The following MYOF variants were observed in gnomAD, a reference collection of about 807,000 sequenced individuals.
MYOF encodes myoferlin, also known as fer-1-like 3, myoferlin.
Under a neutral mutation model 284.2 loss-of-function variants are expected in MYOF, and 244 were observed. The ratio of observed to expected loss-of-function variants is 0.86; its 90% CI spans 0.77 to 0.95. The LOEUF is 0.95. MYOF is among the 40% of genes least tolerant of loss of function. The pLI is 0.00. For synonymous variants in MYOF, 904 were observed against 919.7 expected, an observed-to-expected ratio of 0.98 and a Z score of 0.31; for missense variants, 2,496 against 2,560.6, an observed-to-expected ratio of 0.97 and a Z score of 0.54.
chr10:93,482,099 T>A lies in MYOF; in HGVS notation c.88+8A>T, dbSNP rs771598862. On this transcript the variant is annotated splice_region_variant and intron_variant, in intron 1 of 53. Coordinates refer to ENST00000359263, the MANE Select transcript of MYOF (RefSeq NM_013451.4). ...GGACTTCAGAAAAAGAAGAAAACTTTTTCTTACCCTTAAAAATGACAGAAA... is the reference window on the plus strand; with the variant it reads ...GGACTTCAGAAAAAGAAGAAAACTTATTCTTACCCTTAAAAATGACAGAAA... The A allele has an allele frequency of 2.5e-6, 4 of 1,612,316 alleles. No individual in the cohort carries two copies. The highest frequency in any genetic ancestry group is 1.7e-6 in the Non-Finnish European group (2 of 1,178,578).
intron 23 of MYOF, among the ~76,000 whole-genome samples, 194 bp downstream of exon 23, chr10:93,374,568 TC>T (rs1845748375): frequency 6.6e-6 from 1 of 152,188 alleles, no homozygotes. Flanking sequence ...TCAAAATTCT[TC>T]CCCTGCTCTG....
At chr10:93,394,443 C>CTTTTTT (rs1193314228) in intron 16 of MYOF, among the ~76,000 whole-genome samples, 5 of 58,860 alleles carry the variant, frequency 8.5e-5, no homozygotes, top group Non-Finnish European at 1.5e-4. Context: ...TGGTCACCAT[C>CTTTTTT]TTGTCTTTTT....
chr10:93,322,144 C>CTAAATGATACTAAT lies in MYOF; in HGVS notation c.5456+920_5456+933dup, dbSNP rs1411863363. Among the ~76,000 whole-genome samples the CTAAATGATACTAAT allele has an allele frequency of 6.6e-5, 10 of 152,166 alleles. No homozygotes were observed. In the East Asian group the frequency reaches 1.9e-3, roughly 29 times the overall value. On this transcript the variant is annotated intron_variant, in intron 48 of 53. Coordinates refer to ENST00000359263, the MANE Select transcript of MYOF (RefSeq NM_013451.4). The stretch of plus-strand genomic sequence containing the variant: ...GAAACATTCCCTGTTTATAGTGAAC[C>CTAAATGATACTAAT]TAAATGATACTAATTATATCTTTAA...
intron 5 of MYOF, among the ~76,000 whole-genome samples, chr10:93,421,862 A>C (rs918921784): frequency 1.3e-5 from 2 of 152,106 alleles, no homozygotes; most frequent in Admixed American, 6.6e-5. Flanking sequence ...ATGCAAACAG[A>C]CTAAGACACT....
intron 24 of MYOF, among the ~76,000 whole-genome samples, chr10:93,371,212 C>T (rs1049412909): frequency 7.2e-5 from 11 of 152,142 alleles, no homozygotes; most frequent in African/African-American, 1.9e-4. Flanking sequence ...AGGATTTTAA[C>T]GTAGCTGAGT....
chr10:93,401,972 T>G (rs77106444), intron 11 of MYOF, among the ~76,000 whole-genome samples: 6,560 of 152,284 alleles, frequency 0.043, 197 homozygotes, highest in Middle Eastern at 0.078. Flanking sequence ...AAGCAGTCTT[T>G]CTAATGAGGC....
Position 93,377,405 on chromosome 10 carries a change from A to G in MYOF, c.2026T>C (p.Ser676Pro). The change falls in exon 22 of 54, where the codon TCA (serine) becomes CCA (proline). Residue 676 changes from serine to proline, a missense_variant. This residue lies in a region of MYOF where 2,436 missense variants were observed against 2,480.7 expected (regional missense o/e 0.98). Coordinates refer to ENST00000359263, the MANE Select transcript of MYOF (RefSeq NM_013451.4). ...GCAGGAATTTTACCTTGTATCCCTG[A>G]TTTTAGAGCTTCTATATTTGTTTGC... Reference protein sequence around the residue: ...RLQTNIEALKSGIQGKIPANQ... With the variant: ...RLQTNIEALKPGIQGKIPANQ... 1.2e-6 allele frequency: 2 copies of G among 1,613,824 alleles called. No individual in the cohort carries two copies. Among genetic ancestry groups the G allele is most frequent in the Non-Finnish European group, 1.7e-6 (2 of 1,179,780 alleles).
intron 31 of MYOF, among the ~76,000 whole-genome samples, chr10:93,354,437 T>C (rs1000274204): frequency 6.6e-6 from 1 of 152,110 alleles, no homozygotes; most frequent in African/African-American, 2.4e-5. Context: ...AGTGTATCAA[T>C]CAGGAAAACA....
intron 1 of MYOF, among the ~76,000 whole-genome samples, chr10:93,465,538 C>CTTTTCTT (rs1316526970): frequency 3.7e-4 from 42 of 112,148 alleles, no homozygotes; most frequent in South Asian, 9.3e-4. Context: ...TTTTTCTTTT[C>CTTTTCTT]TTTTTTTTTT....
chr10:93,462,179 C>T (rs1373481001), intron 1 of MYOF, among the ~76,000 whole-genome samples: 2 of 151,574 alleles, frequency 1.3e-5, no homozygotes, highest in Admixed American at 6.6e-5. Flanking sequence ...CAATCTCTCT[C>T]CTGCCTCAGC....
rs764699886 is a variant in MYOF at position 93,355,737 on chromosome 10, CT to C, written c.3295-2del. 6.2e-7 allele frequency: 1 copy of C among 1,610,986 alleles called. No homozygotes were observed. Among genetic ancestry groups the C allele is most frequent in the East Asian group, 2.2e-5 (1 of 44,876 alleles). On this transcript the variant is annotated splice_acceptor_variant, in intron 30 of 53. Transcript: ENST00000359263. LOFTEE classifies it high-confidence loss of function. The stretch of plus-strand genomic sequence containing the variant: ...CCCCATCTTCGGTAGTGTCTGCCCC[CT>C]GAAGTCAATTAACAGAGTCAATTAG...
At chr10:93,442,041 C>CACACACACACACACACACACAGAGAG (rs57700900) in intron 3 of MYOF, among the ~76,000 whole-genome samples, 4 of 142,738 alleles carry the variant, frequency 2.8e-5, no homozygotes, top group South Asian at 2.3e-4. Flanking sequence ...CACACACACA[C>CACACACACACACACACACACAGAGAG]AGAATAAACC....
intron 38 of MYOF, chr10:93,341,899 C>T (rs987087356): frequency 7.8e-7 from 1 of 1,288,842 alleles, no homozygotes; most frequent in Non-Finnish European, 1.0e-6. Context: ...CATGCATTTG[C>T]TTATCATACA....
At chr10:93,387,752 G>C in intron 19 of MYOF, 45 bp downstream of exon 19, 1 of 1,527,812 alleles carries the variant, frequency 6.5e-7, no homozygotes, top group South Asian at 1.1e-5. Flanking sequence ...AGTCCCTGGA[G>C]GTCTCCTTTT....
chr10:93,369,110 CTTTT>C (rs66923086), intron 25 of MYOF, among the ~76,000 whole-genome samples: 17 of 78,296 alleles, frequency 2.2e-4, no homozygotes, highest in Admixed American at 3.3e-4. Flanking sequence ...ATTCAGACAG[CTTTT>C]TTTTTTTTTT....
intron 16 of MYOF, 24 bp from the exon 17 acceptor site, chr10:93,392,979 T>C: frequency 6.3e-7 from 1 of 1,595,606 alleles, no homozygotes; most frequent in African/African-American, 1.3e-5. Context: ...ATATGACTGG[T>C]TAAACAAGAA....
At chr10:93,368,962 T>C (rs1054577826) in intron 25 of MYOF, among the ~76,000 whole-genome samples, 1 of 152,146 alleles carries the variant, frequency 6.6e-6, no homozygotes, top group African/African-American at 2.4e-5. Flanking sequence ...GCATAAAAAA[T>C]CAAAACAATT....
rs570254569 is a variant in MYOF at position 93,411,948 on chromosome 10, A to T, written c.434-2209T>A. Among the ~76,000 whole-genome samples the T allele has an allele frequency of 2.1e-4, 32 of 151,790 alleles. No homozygotes were observed. In the East Asian group the frequency reaches 4.3e-3, roughly 20 times the overall value. On this transcript the variant is annotated intron_variant, in intron 5 of 53. Transcript: ENST00000359263. The stretch of plus-strand genomic sequence containing the variant: ...CTGTGGGCCCCTGTTTTTGTCTCCT[A>T]CTCACTGAGTGTGACTCCCTACTCT...
intron 38 of MYOF, among the ~76,000 whole-genome samples, chr10:93,342,958 AG>A (rs1230330191): frequency 6.6e-6 from 1 of 152,214 alleles, no homozygotes; most frequent in African/African-American, 2.4e-5. Flanking sequence ...CACAGAGAGT[AG>A]AATCAAACAC....
Sources: gnomAD v4.1 joint callset for allele counts (sites outside exome capture counted in the v4.1 genomes callset) on GRCh38, gnomAD v4.1.1 for gene constraint, gnomAD v4.1.1 regional missense constraint, MANE v1.5 for transcripts, NCBI Gene and HGNC (gene_info 2026-07-23, HGNC 2026-07-21) for gene names.